Variants in PITPNA observed in about 807,000 individuals in gnomAD.
PITPNA encodes the protein phosphatidylinositol transfer protein alpha.
In PITPNA, 13 loss-of-function variants were observed where a neutral mutation model predicts 50.3. The ratio of observed to expected loss-of-function variants is 0.26; its 90% CI spans 0.17 to 0.41. The LOEUF (loss-of-function observed/expected upper bound fraction) is 0.41, where lower values mean the gene tolerates loss of function less well. PITPNA is among the 10% of genes least tolerant of loss of function. The pLI is 1.00. For missense variants in PITPNA, 207 were observed against 333.4 expected, an observed-to-expected ratio of 0.62 and a Z score of 2.95; for synonymous variants, 120 against 119.6, an observed-to-expected ratio of 1.00 and a Z score of -0.02.
intron 10 of PITPNA, among the ~76,000 whole-genome samples, chr17:1,522,071 C>CTTTTCTTTTCTT (rs751204255): frequency 8.5e-5 from 12 of 141,618 alleles, no homozygotes; most frequent in African/African-American, 3.0e-4. Context: ...TATGAAACAT[C>CTTTTCTTTTCTT]TTTTTTTTTT....
At chr17:1,546,300 G>A (rs906478723) in intron 4 of PITPNA, among the ~76,000 whole-genome samples, 1 of 152,040 alleles carries the variant, frequency 6.6e-6, no homozygotes, top group Non-Finnish European at 1.5e-5. Flanking sequence ...TTAAGGAGTA[G>A]GGAGGGCTGT....
At position 1,534,298 on chromosome 17, in the gene PITPNA, C is replaced by T. The variant is rs2075602169; in HGVS notation, c.646-77G>A. The stretch of plus-strand genomic sequence containing the variant: ...ACAGCCCTTCTCTCCATGCACTCCA[C>T]ACGAATACCCACACTAGACTGGGGA... On this transcript the variant is annotated intron_variant, in intron 9 of 11. Coordinates refer to ENST00000313486, the MANE Select transcript of PITPNA (RefSeq NM_006224.4). 1.9e-6 allele frequency: 3 copies of T among 1,562,096 alleles called. No individual in the cohort carries two copies. In the South Asian group the frequency reaches 3.4e-5, roughly 17 times the overall value.
At chr17:1,532,034 G>C (rs1186349916) in intron 10 of PITPNA, among the ~76,000 whole-genome samples, 2 of 152,082 alleles carry the variant, frequency 1.3e-5, no homozygotes, top group Non-Finnish European at 2.9e-5. Context: ...GGAGGACAGT[G>C]ATCACCTAAG....
At chr17:1,546,831 CTG>C (rs776014013) in intron 4 of PITPNA, among the ~76,000 whole-genome samples, 20 of 152,204 alleles carry the variant, frequency 1.3e-4, no homozygotes, top group Non-Finnish European at 2.8e-4. Flanking sequence ...AGAAAGTTCT[CTG>C]TGGAGGTTCA....
intron 4 of PITPNA, among the ~76,000 whole-genome samples, chr17:1,547,358 AAAAAAAGCAATT>A (rs2075680622): frequency 6.6e-6 from 1 of 152,054 alleles, no homozygotes; most frequent in South Asian, 2.1e-4. Flanking sequence ...AGAGTGAGAC[AAAAAAAGCAATT>A]AAAAAATTAG....
At position 1,553,095 on chromosome 17, in the gene PITPNA, C is replaced by T. The variant is rs1416706996; in HGVS notation, c.106G>A (p.Gly36Ser). Residue 36 changes from glycine (G) to serine (S), a missense_variant, in exon 3 of 12, where the codon GGT becomes AGT. By Grantham distance (56) the Gly-to-Ser change is moderately conservative (BLOSUM62 0). Transcript: ENST00000313486. ...ACCAGGACCTCCACGCCTTCGCCACCACCCGTTTCATTTTTACTGGCCTCA... is the reference window on the plus strand; with the variant it reads ...ACCAGGACCTCCACGCCTTCGCCACTACCCGTTTCATTTTTACTGGCCTCA... ...VAEASKNETG[G>S]GEGVEVLVNE... 1 of 1,613,950 alleles carries T rather than the reference C, an allele frequency of 6.2e-7. No individual in the cohort carries two copies.
Position 1,554,484 on chromosome 17 carries a change from T to TCTCCTGC in PITPNA, c.52-1342_52-1336dup, listed in dbSNP as rs532259026. On this transcript the variant is annotated intron_variant, in intron 2 of 11. Coordinates refer to ENST00000313486, the MANE Select transcript of PITPNA (RefSeq NM_006224.4). ...CCTCCGCCTCCTGGGTTCAAGTGAT[T>TCTCCTGC]CTCCTGCCTCCTGCCTCCTGCCTCA... is the stretch of plus-strand genomic sequence containing the variant. Among the ~76,000 whole-genome samples, 422 of 149,796 alleles carry TCTCCTGC rather than the reference T, an allele frequency of 2.8e-3. 22 individuals are homozygous for TCTCCTGC. In the South Asian group the frequency reaches 0.087, roughly 31 times the overall value.
At chr17:1,544,573 C>T (rs532632792) in intron 4 of PITPNA, among the ~76,000 whole-genome samples, 9 of 152,310 alleles carry the variant, frequency 5.9e-5, no homozygotes, top group African/African-American at 2.2e-4. Flanking sequence ...CCAAAGTACA[C>T]AGAAAAGCCG....
chr17:1,531,107 C>T (rs886661400), intron 10 of PITPNA, among the ~76,000 whole-genome samples: 1 of 152,108 alleles, frequency 6.6e-6, no homozygotes, highest in Non-Finnish European at 1.5e-5. Flanking sequence ...ACCTCAGGAC[C>T]CCAGGTGCTG....
At chr17:1,545,561 T>G (rs1027943000) in intron 4 of PITPNA, among the ~76,000 whole-genome samples, 1 of 152,254 alleles carries the variant, frequency 6.6e-6, no homozygotes, top group African/African-American at 2.4e-5. Flanking sequence ...TTCCTTCCCC[T>G]ACTCCCTGTC....
At chr17:1,528,476 G>C (rs2075560852) in intron 10 of PITPNA, among the ~76,000 whole-genome samples, 1 of 152,180 alleles carries the variant, frequency 6.6e-6, no homozygotes, top group Non-Finnish European at 1.5e-5. Context: ...GCCAGGTATA[G>C]TGGCTCATGA....
Position 1,543,043 on chromosome 17 carries a change from G to A in PITPNA, c.290-16C>T, listed in dbSNP as rs2075655694. 6.3e-7 allele frequency: 1 copy of A among 1,575,984 alleles called. No homozygotes were observed. Among genetic ancestry groups the A allele is most frequent in the Non-Finnish European group, 8.6e-7 (1 of 1,163,002 alleles). On this transcript the variant is annotated splice_polypyrimidine_tract_variant and intron_variant, in intron 4 of 11. Transcript: ENST00000313486. ...ACTGTAATAACTGCTCCGAGGCAAG[G>A]ACATGGAAAGAAGAGAGAAAAAGAT...
At chr17:1,545,942 T>TTTTA (rs1343399914) in intron 4 of PITPNA, among the ~76,000 whole-genome samples, 3 of 115,196 alleles carry the variant, frequency 2.6e-5, no homozygotes, top group African/African-American at 6.8e-5. Flanking sequence ...TTTTTTTTTT[T>TTTTA]AATAAACGGA....
rs147123094 is a variant in PITPNA, at chr17:1,531,179, C to T, written c.768+2920G>A. The stretch of plus-strand genomic sequence containing the variant: ...AATTAAAGTTAAAGCGAATCAATGG[C>T]ACAATGAGCCCACTGGGACCCTTCC... On this transcript the variant is annotated intron_variant, in intron 10 of 11. Coordinates refer to ENST00000313486, the MANE Select transcript of PITPNA (RefSeq NM_006224.4). Among the ~76,000 whole-genome samples, 352 of 152,228 alleles carry T rather than the reference C, an allele frequency of 2.3e-3. 1 individual carries two copies. Among genetic ancestry groups the T allele is most frequent in the South Asian group, 5.4e-3 (26 of 4,810 alleles).
At chr17:1,527,150 TC>T (rs776772997) in intron 10 of PITPNA, among the ~76,000 whole-genome samples, 1 of 152,206 alleles carries the variant, frequency 6.6e-6, no homozygotes, top group African/African-American at 2.4e-5. Flanking sequence ...TTTGTGGTGT[TC>T]CTCAGATTTA....
chr17:1,539,248 G>T (rs1398333049), intron 6 of PITPNA, among the ~76,000 whole-genome samples: 1 of 151,982 alleles, frequency 6.6e-6, no homozygotes, highest in African/African-American at 2.4e-5. Flanking sequence ...GGCTCCTAGT[G>T]ATCCTCCTGC....
chr17:1,537,637 T>G lies in PITPNA; in HGVS notation c.456+1232A>C, dbSNP rs1312549380. Among the ~76,000 whole-genome samples the G allele has an allele frequency of 2.0e-5, 3 of 152,362 alleles. No individual in the cohort carries two copies. The East Asian group carries it at 5.8e-4, about 29-fold the overall frequency. On this transcript the variant is annotated intron_variant, in intron 7 of 11. Coordinates refer to ENST00000313486, the MANE Select transcript of PITPNA (RefSeq NM_006224.4). Reference sequence around the variant, plus strand: ...TTGCTAGTATCCAGTTTGAGAAAATTCATCAAGCTGCATACTTATATTCAC... The same window carrying G: ...TTGCTAGTATCCAGTTTGAGAAAATGCATCAAGCTGCATACTTATATTCAC...
intron 10 of PITPNA, among the ~76,000 whole-genome samples, chr17:1,522,804 C>G (rs73294791): frequency 0.1 from 15,773 of 152,236 alleles, 934 homozygotes; most frequent in East Asian, 0.14. Flanking sequence ...AAACATTCAT[C>G]TATGTCAGCT....
intron 4 of PITPNA, among the ~76,000 whole-genome samples, chr17:1,546,280 A>G (rs2075673826): frequency 6.6e-6 from 1 of 152,078 alleles, no homozygotes; most frequent in African/African-American, 2.4e-5. Context: ...TCTAACTTCC[A>G]GCCCAGTGCT....
Sources: allele counts gnomAD v4.1 joint callset (sites outside exome capture counted in the v4.1 genomes callset), GRCh38; gene constraint gnomAD v4.1.1; transcripts MANE v1.5; gene names NCBI Gene and HGNC (gene_info 2026-07-23, HGNC 2026-07-21).